CACNB2: variants seen among roughly 807,000 people sequenced by gnomAD.
CACNB2 encodes the protein calcium voltage-gated channel auxiliary subunit beta 2, also known as voltage-dependent L-type calcium channel subunit beta-2.
Under a neutral mutation model 73.3 loss-of-function variants are expected in CACNB2, and 42 were observed. The observed-to-expected ratio is 0.57, with a 90% CI of 0.45 to 0.74. CACNB2 has a LOEUF of 0.74. Ranked by LOEUF, CACNB2 falls within the 30% of genes least tolerant of loss-of-function variation. The probability of loss-of-function intolerance (pLI) is 0.00; values close to 1 mark genes in which losing one functional copy is unlikely to be tolerated. For missense variants in CACNB2, 940 were observed against 853.0 expected, an observed-to-expected ratio of 1.10 and a Z score of -1.27; for synonymous variants, 348 against 310.3, an observed-to-expected ratio of 1.12 and a Z score of -1.28.
intron 2 of CACNB2, among the ~76,000 whole-genome samples, chr10:18,293,324 G>A (rs2039143324): frequency 6.6e-6 from 1 of 152,172 alleles, no homozygotes; most frequent in South Asian, 2.1e-4. Flanking sequence ...CCTAACTGGT[G>A]AGTTTCTTTC....
chr10:18,450,068 C>G (rs2046942278), intron 3 of CACNB2, among the ~76,000 whole-genome samples: 1 of 152,236 alleles, frequency 6.6e-6, no homozygotes. Flanking sequence ...GCTGTTTCCT[C>G]TGTATATCCC....
chr10:18,235,195 G>A (rs1042028274), intron 2 of CACNB2, among the ~76,000 whole-genome samples: 4 of 150,918 alleles, frequency 2.7e-5, no homozygotes, highest in Non-Finnish European at 5.9e-5. Context: ...GCTTATGCCT[G>A]TAATCCCAGC....
chr10:18,218,383 G>T (rs528409217), intron 2 of CACNB2, among the ~76,000 whole-genome samples: 1 of 152,242 alleles, frequency 6.6e-6, no homozygotes, highest in Non-Finnish European at 1.5e-5. Flanking sequence ...ATTTGACATA[G>T]TAAGAGTATA....
chr10:18,283,846 A>G (rs202223052), intron 2 of CACNB2, among the ~76,000 whole-genome samples: 2 of 152,180 alleles, frequency 1.3e-5, no homozygotes, highest in African/African-American at 4.8e-5. Flanking sequence ...GTGTTCTTCA[A>G]ACAACTGTGA....
At chr10:18,251,563 G>C (rs2037091322) in intron 2 of CACNB2, among the ~76,000 whole-genome samples, 2 of 152,084 alleles carry the variant, frequency 1.3e-5, no homozygotes, top group Admixed American at 1.3e-4. Context: ...TCTTAAGTCT[G>C]TTTCCTCATT....
chr10:18,141,348 G>A (rs2030380901), intron 1 of CACNB2: 1 of 815,286 alleles, frequency 1.2e-6, no homozygotes, highest in South Asian at 1.5e-5. Flanking sequence ...GGAGGGGAGC[G>A]AATATGGGGG....
At chr10:18,310,488 C>A (rs905251251) in intron 2 of CACNB2, among the ~76,000 whole-genome samples, 1 of 149,944 alleles carries the variant, frequency 6.7e-6, no homozygotes, top group Non-Finnish European at 1.5e-5. Context: ...GCCTGTAATC[C>A]CAGCTACTCA....
chr10:18,296,032 G>A (rs183225209), intron 2 of CACNB2, among the ~76,000 whole-genome samples: 3 of 100,586 alleles, frequency 3.0e-5, no homozygotes, highest in East Asian at 5.9e-4. Context: ...TTTACCCTCC[G>A]TGATCACTGT....
intron 3 of CACNB2, among the ~76,000 whole-genome samples, chr10:18,465,055 C>T (rs2047801692): frequency 6.6e-6 from 1 of 152,200 alleles, no homozygotes; most frequent in African/African-American, 2.4e-5. Context: ...AACAGCCGGG[C>T]ATGGTGGCTC....
chr10:18,157,843 T>C lies in CACNB2; in HGVS notation c.213+6868T>C, dbSNP rs2032171188. Among the ~76,000 whole-genome samples, 3 of 152,256 alleles carry C rather than the reference T, an allele frequency of 2.0e-5. No individual in the cohort carries two copies. In the South Asian group the frequency reaches 6.2e-4, roughly 31 times the overall value. ...AAATACATAGAAAGATAAAAGTTAG[T>C]CTTCTACTTTTAACTTCCTTCTGTA... On this transcript the variant is annotated intron_variant, in intron 2 of 13. Transcript: ENST00000324631.
At chr10:18,500,112 G>A (rs2050112954) in intron 4 of CACNB2, among the ~76,000 whole-genome samples, 1 of 152,170 alleles carries the variant, frequency 6.6e-6, no homozygotes, top group Non-Finnish European at 1.5e-5. Context: ...CAGGAAGTTA[G>A]ATTATTATGA....
In CACNB2 at chr10:18,539,314, G is replaced by T; in HGVS notation, c.1573G>T (p.Val525Phe). The T allele has an allele frequency of 6.2e-7, 1 of 1,613,904 alleles. No individual in the cohort carries two copies. The highest frequency in any genetic ancestry group is 8.5e-7 in the Non-Finnish European group (1 of 1,179,956). The stretch of plus-strand genomic sequence containing the variant: ...TGAAGAAGAACCTAGTGTGGAACCA[G>T]TCAAGAAATCCCAGCACCGCTCTTC... ...QAEEEPSVEP[V>F]KKSQHRSSSS... is the part of the protein sequence containing the mutation. Residue 525 changes from valine (V) to phenylalanine (F), a missense_variant, in exon 14 of 14, where the codon GTC (valine) becomes TTC (phenylalanine). Val to Phe is a conservative substitution (Grantham distance 50). Transcript: ENST00000324631.
chr10:18,300,199 T>C (rs988185390), intron 2 of CACNB2, among the ~76,000 whole-genome samples: 1 of 152,082 alleles, frequency 6.6e-6, no homozygotes, highest in Non-Finnish European at 1.5e-5. Flanking sequence ...TTTTTGTATT[T>C]TTAGTAGAGA....
intron 2 of CACNB2, among the ~76,000 whole-genome samples, chr10:18,350,857 G>A (rs1006820815): frequency 2.0e-5 from 3 of 152,176 alleles, no homozygotes; most frequent in Non-Finnish European, 4.4e-5. Context: ...GTCCATGCTG[G>A]AGTGCAGTGG....
At chr10:18,529,798 C>T (rs746976545) in intron 10 of CACNB2, among the ~76,000 whole-genome samples, 1 of 152,122 alleles carries the variant, frequency 6.6e-6, no homozygotes, top group Non-Finnish European at 1.5e-5. Context: ...ATAGCAATTT[C>T]TTTTTTATGT....
At chr10:18,331,911 G>A (rs746931357) in intron 2 of CACNB2, among the ~76,000 whole-genome samples, 5 of 152,142 alleles carry the variant, frequency 3.3e-5, no homozygotes, top group Admixed American at 1.3e-4. Flanking sequence ...GATTAGGGGC[G>A]CAGGGTGGGG....
intron 2 of CACNB2, among the ~76,000 whole-genome samples, chr10:18,183,158 C>A (rs2033975065): frequency 6.6e-6 from 1 of 151,918 alleles, no homozygotes; most frequent in Admixed American, 6.6e-5. Flanking sequence ...AACGCAGATC[C>A]CAGTATCAAC....
At chr10:18,158,599 T>G (rs2032226731) in intron 2 of CACNB2, among the ~76,000 whole-genome samples, 1 of 152,214 alleles carries the variant, frequency 6.6e-6, no homozygotes, top group Non-Finnish European at 1.5e-5. Context: ...TCTTTTGTAT[T>G]TAGTACTTTG....
At chr10:18,501,580 C>T (rs1199744521) in intron 5 of CACNB2, among the ~76,000 whole-genome samples, 1 of 152,222 alleles carries the variant, frequency 6.6e-6, no homozygotes, top group Non-Finnish European at 1.5e-5. Context: ...AAAGGCTTCT[C>T]GTAGATGTAC....
Sources: gnomAD v4.1 joint callset for allele counts (sites outside exome capture counted in the v4.1 genomes callset) on GRCh38, gnomAD v4.1.1 for gene constraint, MANE v1.5 for transcripts, NCBI Gene and HGNC (gene_info 2026-07-23, HGNC 2026-07-21) for gene names.